Variants in PDZD2 observed in about 807,000 individuals in gnomAD.
PDZD2 encodes the protein PDZ domain-containing protein 2.
In PDZD2, 90 loss-of-function variants were observed where a neutral mutation model predicts 220.7. The ratio of observed to expected loss-of-function variants is 0.41; its 90% CI spans 0.34 to 0.49. The LOEUF (loss-of-function observed/expected upper bound fraction) is 0.49. Ranked by LOEUF, PDZD2 falls within the 20% of genes least tolerant of loss-of-function variation. The pLI is 0.28. For synonymous variants in PDZD2, 1,375 were observed against 1,450.5 expected (o/e 0.95, Z 1.18); for missense variants, 3,174 against 3,608.5 (o/e 0.88, Z 3.08).
At chr5:32,019,997 T>A (rs945421612) in intron 6 of PDZD2, among the ~76,000 whole-genome samples, 1 of 152,018 alleles carries the variant, frequency 6.6e-6, no homozygotes, top group Non-Finnish European at 1.5e-5. Flanking sequence ...AAGGGGTTTA[T>A]GTCTGTGGTC....
At chr5:31,773,032 G>A (rs1580725856) in intron 1 of PDZD2, among the ~76,000 whole-genome samples, 1 of 152,216 alleles carries the variant, frequency 6.6e-6, no homozygotes, top group South Asian at 2.1e-4. Flanking sequence ...TGTAGTTCTT[G>A]AGAGTCACAG....
At chr5:31,867,745 GAATCCT>G (rs1738360059) in intron 2 of PDZD2, among the ~76,000 whole-genome samples, 2 of 152,166 alleles carry the variant, frequency 1.3e-5, no homozygotes, top group Non-Finnish European at 2.9e-5. Flanking sequence ...GTGATGAGGT[GAATCCT>G]AGTTACTGAG....
chr5:31,932,724 T>G (rs1745403574), intron 2 of PDZD2, among the ~76,000 whole-genome samples: 1 of 152,184 alleles, frequency 6.6e-6, no homozygotes, highest in Non-Finnish European at 1.5e-5. Flanking sequence ...CTTTTCCTCT[T>G]GCAAAACTGA....
intron 1 of PDZD2, among the ~76,000 whole-genome samples, chr5:31,773,353 T>C (rs1752444245): frequency 6.6e-6 from 1 of 152,006 alleles, no homozygotes; most frequent in Non-Finnish European, 1.5e-5. Flanking sequence ...TATAGTCTAG[T>C]GAAAGGCAGA....
At chr5:31,886,366 C>A (rs981030293) in intron 2 of PDZD2, among the ~76,000 whole-genome samples, 4 of 152,138 alleles carry the variant, frequency 2.6e-5, no homozygotes, top group Non-Finnish European at 4.4e-5. Flanking sequence ...TTATGTGCCT[C>A]CCCTTGGCCC....
chr5:31,691,541 TTTTA>T (rs1747134274), intron 1 of PDZD2, among the ~76,000 whole-genome samples: 3 of 151,120 alleles, frequency 2.0e-5, no homozygotes, highest in Admixed American at 6.6e-5. Flanking sequence ...CGCCACCTGC[TTTTA>T]TTCTCTTATC....
At chr5:31,738,557 C>T (rs1345113431) in intron 1 of PDZD2, 2 of 152,234 alleles carry the variant, frequency 1.3e-5, no homozygotes, top group African/African-American at 4.8e-5. Flanking sequence ...GAATGCTTCT[C>T]CTTCAAGCCT....
chr5:31,855,029 G>C (rs577378585), intron 2 of PDZD2: 2 of 985,370 alleles, frequency 2.0e-6, no homozygotes, highest in South Asian at 4.7e-5. Flanking sequence ...CGGGCCGCCT[G>C]CAGGTGATTA....
chr5:31,937,706 TC>T (rs1745881861), intron 2 of PDZD2, among the ~76,000 whole-genome samples: 1 of 152,216 alleles, frequency 6.6e-6, no homozygotes, highest in Non-Finnish European at 1.5e-5. Context: ...GAAAACTTTT[TC>T]ACCCCATGTT....
rs941492126 is a variant in PDZD2 at position 31,970,361 on chromosome 5, ATTG to A, written c.477-12792_477-12790del. 4.7e-4 allele frequency among the ~76,000 whole-genome samples: 71 copies of A among 152,214 alleles called. 1 individual carries two copies. The highest frequency in any genetic ancestry group is 7.0e-4 in the African/African-American group (29 of 41,536). On this transcript the variant is annotated intron_variant, in intron 2 of 24. Coordinates refer to ENST00000438447, the MANE Select transcript of PDZD2 (RefSeq NM_178140.4). ...TATAAAGAGCGACAAGAGTGACAAG[ATTG>A]TAAAGAGTCAGAAGAGCACAGTGGC...
At chr5:31,684,453 A>G (rs1039383124) in intron 1 of PDZD2, among the ~76,000 whole-genome samples, 2 of 151,950 alleles carry the variant, frequency 1.3e-5, no homozygotes, top group African/African-American at 4.8e-5. Context: ...TGTCACTTCT[A>G]CCTCTTTTAT....
At chr5:31,766,270 A>G (rs1752002497) in intron 1 of PDZD2, among the ~76,000 whole-genome samples, 1 of 152,354 alleles carries the variant, frequency 6.6e-6, no homozygotes, top group Non-Finnish European at 1.5e-5. Flanking sequence ...TATTCCCTTT[A>G]TAGTATTGTT....
chr5:31,743,663 G>A (rs1213708597), intron 1 of PDZD2, among the ~76,000 whole-genome samples: 2 of 152,074 alleles, frequency 1.3e-5, no homozygotes, highest in African/African-American at 4.8e-5. Context: ...GTTCTTTTAG[G>A]ACAAATCTTT....
At chr5:31,859,454 TTA>T (rs1235444197) in intron 2 of PDZD2, among the ~76,000 whole-genome samples, 1 of 152,250 alleles carries the variant, frequency 6.6e-6, no homozygotes, top group Non-Finnish European at 1.5e-5. Context: ...TGTTCAGTTT[TTA>T]TGTCTGTCAT....
At chr5:31,905,017 G>A (rs551185603) in intron 2 of PDZD2, among the ~76,000 whole-genome samples, 10 of 152,062 alleles carry the variant, frequency 6.6e-5, no homozygotes, top group South Asian at 2.1e-4. Context: ...CACCCAGGCC[G>A]GAGTGCAGTG....
chr5:31,923,421 G>A (rs15451), intron 2 of PDZD2: 5 of 1,242,488 alleles, frequency 4.0e-6, no homozygotes, highest in Non-Finnish European at 5.9e-6. Flanking sequence ...CTTCAACGGG[G>A]GCCAGTTTGC....
At chr5:31,996,827 G>A (rs527653169) in intron 4 of PDZD2, among the ~76,000 whole-genome samples, 1 of 152,328 alleles carries the variant, frequency 6.6e-6, no homozygotes, top group African/African-American at 2.4e-5. Flanking sequence ...GCTGCAGTGT[G>A]AGCCATCACT....
intron 1 of PDZD2, among the ~76,000 whole-genome samples, chr5:31,725,147 A>T (rs570034243): frequency 6.6e-6 from 1 of 152,002 alleles, no homozygotes; most frequent in East Asian, 1.9e-4. Context: ...CCTGACCAAC[A>T]TGGAGAAACC....
At chr5:32,094,593 C>T (rs1743463478) in intron 21 of PDZD2, among the ~76,000 whole-genome samples, 2 of 151,606 alleles carry the variant, frequency 1.3e-5, no homozygotes, top group African/African-American at 4.8e-5. Context: ...GATTCTCAGC[C>T]GCTGATTTGG....
Sources: allele counts gnomAD v4.1 joint callset (sites outside exome capture counted in the v4.1 genomes callset), GRCh38; gene constraint gnomAD v4.1.1; transcripts MANE v1.5; gene names NCBI Gene and HGNC (gene_info 2026-07-23, HGNC 2026-07-21).